MECOM: variants seen among roughly 807,000 people sequenced by gnomAD.
The protein encoded by MECOM is histone-lysine N-methyltransferase MECOM.
MECOM carries 13 observed loss-of-function variants against 116.3 expected under a neutral mutation model. The observed-to-expected ratio is 0.11, with a 90% confidence interval of 0.07 to 0.18. The LOEUF is 0.18. Among genes scored for constraint, MECOM ranks in the 10% least tolerant of loss-of-function variants. The pLI is 1.00. For synonymous variants in MECOM, 528 were observed against 535.2 expected (o/e 0.99, Z 0.19); for missense variants, 1,299 against 1,509.0 (o/e 0.86, Z 2.31).
intron 2 of MECOM, among the ~76,000 whole-genome samples, chr3:169,310,630 A>G (rs535055353): frequency 4.0e-4 from 61 of 152,270 alleles, no homozygotes; most frequent in Middle Eastern, 6.8e-3. Flanking sequence ...ACTAACAATT[A>G]TTTGGCTCTT....
intron 2 of MECOM, among the ~76,000 whole-genome samples, chr3:169,329,503 T>C (rs1468438710): frequency 6.6e-6 from 1 of 152,192 alleles, no homozygotes; most frequent in Non-Finnish European, 1.5e-5. Context: ...TTGAGCATCC[T>C]TTTCTAAGGC....
At chr3:169,550,443 C>T (rs898302629) in intron 1 of MECOM, among the ~76,000 whole-genome samples, 1 of 152,184 alleles carries the variant, frequency 6.6e-6, no homozygotes, top group Non-Finnish European at 1.5e-5. Flanking sequence ...GAAGTGAAAA[C>T]AGTGGTTGAA....
At chr3:169,538,235 G>A (rs1033509781) in intron 1 of MECOM, among the ~76,000 whole-genome samples, 15 of 152,102 alleles carry the variant, frequency 9.9e-5, no homozygotes, top group African/African-American at 2.7e-4. Flanking sequence ...TCTTACTGCC[G>A]AATTTCTTTC....
chr3:169,167,024 GA>G (rs1178633836), intron 2 of MECOM, among the ~76,000 whole-genome samples: 1 of 152,040 alleles, frequency 6.6e-6, no homozygotes, highest in Non-Finnish European at 1.5e-5. Context: ...AGACAGGCTG[GA>G]GTCCAGTGGT....
At chr3:169,194,655 C>T (rs1289665885) in intron 2 of MECOM, among the ~76,000 whole-genome samples, 1 of 151,972 alleles carries the variant, frequency 6.6e-6, no homozygotes, top group East Asian at 1.9e-4. Context: ...ATTTTCCATG[C>T]TGACACTGCC....
intron 12 of MECOM, among the ~76,000 whole-genome samples, chr3:169,096,443 G>A (rs1721520592): frequency 6.6e-6 from 1 of 151,850 alleles, no homozygotes; most frequent in Admixed American, 6.6e-5. Context: ...GCTAATTTTT[G>A]TATTTTTGTA....
At chr3:169,479,247 G>C (rs1750922270) in intron 1 of MECOM, among the ~76,000 whole-genome samples, 1 of 149,500 alleles carries the variant, frequency 6.7e-6, no homozygotes. Context: ...AAGCAAGTAG[G>C]AATTCACATA....
At chr3:169,176,714 C>A (rs1325649352) in intron 2 of MECOM, among the ~76,000 whole-genome samples, 1 of 152,000 alleles carries the variant, frequency 6.6e-6, no homozygotes, top group Non-Finnish European at 1.5e-5. Flanking sequence ...TTGCAATCCA[C>A]CCATCTAACA....
At chr3:169,538,876 A>G (rs1337585122) in intron 1 of MECOM, among the ~76,000 whole-genome samples, 2 of 152,224 alleles carry the variant, frequency 1.3e-5, no homozygotes, top group Non-Finnish European at 2.9e-5. Flanking sequence ...AGAAGAATAG[A>G]GTTCTTACAT....
At chr3:169,247,302 CT>C (rs760962039) in intron 2 of MECOM, among the ~76,000 whole-genome samples, 65 of 143,926 alleles carry the variant, frequency 4.5e-4, no homozygotes, top group Middle Eastern at 3.5e-3. Flanking sequence ...CCACCTAATA[CT>C]TTTTTTTTTC....
At chr3:169,260,570 A>C (rs1757415795) in intron 2 of MECOM, among the ~76,000 whole-genome samples, 1 of 152,164 alleles carries the variant, frequency 6.6e-6, no homozygotes, top group African/African-American at 2.4e-5. Flanking sequence ...TTCACGCTAA[A>C]GTAGCCTTTA....
chr3:169,538,798 T>G (rs1427136811), intron 1 of MECOM, among the ~76,000 whole-genome samples: 1 of 152,166 alleles, frequency 6.6e-6, no homozygotes, highest in African/African-American at 2.4e-5. Flanking sequence ...AATCAGTTGG[T>G]GGTGCTTGAA....
Position 169,281,637 on chromosome 3 carries a change from C to A in MECOM, c.375+99550G>T, listed in dbSNP as rs1171946678. Among the ~76,000 whole-genome samples, 6 of 151,896 alleles carry A rather than the reference C, an allele frequency of 4.0e-5. No individual in the cohort carries two copies. In the South Asian group the frequency reaches 8.3e-4, roughly 21 times the overall value. ...GCCAACCTGGGCAACATGGCAAAACCCCATCTCTATAAAAAATTACAAAAA... is the reference window on the plus strand; with the variant it reads ...GCCAACCTGGGCAACATGGCAAAACACCATCTCTATAAAAAATTACAAAAA... On this transcript the variant is annotated intron_variant, in intron 2 of 16. Transcript: ENST00000651503.
chr3:169,259,694 G>T (rs1428789534), intron 2 of MECOM, among the ~76,000 whole-genome samples: 1 of 152,208 alleles, frequency 6.6e-6, no homozygotes, highest in African/African-American at 2.4e-5. Context: ...GGCCACTACA[G>T]TCCAGCCTGG....
intron 3 of MECOM, among the ~76,000 whole-genome samples, chr3:169,139,797 G>T (rs1737545640): frequency 6.6e-6 from 1 of 152,000 alleles, no homozygotes; most frequent in South Asian, 2.1e-4. Context: ...AAGGGTATAT[G>T]TGGGGTCAAA....
chr3:169,333,400 G>C (rs576904564), intron 2 of MECOM, among the ~76,000 whole-genome samples: 1 of 152,188 alleles, frequency 6.6e-6, no homozygotes, highest in South Asian at 2.1e-4. Context: ...TAAAAGGATG[G>C]AGACATAGTA....
rs565002718 is a variant in MECOM at position 169,207,971 on chromosome 3, T to A, written c.376-64139A>T. Among the ~76,000 whole-genome samples, 4 of 152,244 alleles carry A rather than the reference T, an allele frequency of 2.6e-5. No homozygotes were observed. The South Asian group carries it at 8.3e-4, about 32-fold the overall frequency. Reference sequence around the variant, plus strand: ...TTCACACTTGAGCCTGTATAACAAGTCAGCACTGTTCTGAAAACTTAACTT... The same window carrying A: ...TTCACACTTGAGCCTGTATAACAAGACAGCACTGTTCTGAAAACTTAACTT... On this transcript the variant is annotated intron_variant, in intron 2 of 16. Coordinates refer to ENST00000651503, the MANE Select transcript of MECOM (RefSeq NM_004991.4).
At chr3:169,254,288 A>G (rs1756603755) in intron 2 of MECOM, among the ~76,000 whole-genome samples, 1 of 152,178 alleles carries the variant, frequency 6.6e-6, no homozygotes, top group Non-Finnish European at 1.5e-5. Flanking sequence ...AATCCCATGA[A>G]TGGATATCAA....
chr3:169,175,843 C>T (rs1026905585), intron 2 of MECOM, among the ~76,000 whole-genome samples: 3 of 152,172 alleles, frequency 2.0e-5, no homozygotes, highest in African/African-American at 7.2e-5. Flanking sequence ...GGCAGACCCT[C>T]ATGCAAACAT....
Sources: allele counts gnomAD v4.1 joint callset (sites outside exome capture counted in the v4.1 genomes callset), GRCh38; gene constraint gnomAD v4.1.1; transcripts MANE v1.5; gene names NCBI Gene and HGNC (gene_info 2026-07-23, HGNC 2026-07-21).